The following LAMA5 variants were observed in gnomAD, a reference collection of about 807,000 sequenced individuals.
LAMA5 encodes the protein laminin subunit alpha-5.
LAMA5 carries 260 observed loss-of-function variants against 433.4 expected under a neutral mutation model. The observed-to-expected ratio is 0.60, with a 90% CI of 0.54 to 0.66. The LOEUF is 0.66. Among genes scored for constraint, LAMA5 ranks in the 30% least tolerant of loss-of-function variants. LAMA5 has a pLI of 0.00. For missense variants in LAMA5, 5,378 were observed against 5,258.5 expected, an observed-to-expected ratio of 1.02 and a Z score of -0.70; for synonymous variants, 2,620 against 2,226.6, an observed-to-expected ratio of 1.18 and a Z score of -4.97.
In LAMA5 at chr20:62,329,214, C is replaced by T. The variant is rs1341286960; in HGVS notation, c.4159G>A (p.Gly1387Ser). The change falls in exon 33 of 80, where the codon GGC becomes AGC. Residue 1387 changes from glycine to serine, a missense_variant. Gly to Ser is a moderately conservative substitution (Grantham distance 56). Transcript: ENST00000252999. Reference sequence around the variant, plus strand: ...TCCAGGGGCTCCTCCCGGAGGTAGCCAAAGCTGTAGACGTTCTCAGGGACC... The same window carrying T: ...TCCAGGGGCTCCTCCCGGAGGTAGCTAAAGCTGTAGACGTTCTCAGGGACC... Reference protein sequence around the residue: ...LVVPENVYSFGYLREEPLDKS... With the variant: ...LVVPENVYSFSYLREEPLDKS... 1 of 1,612,670 alleles carries T rather than the reference C, an allele frequency of 6.2e-7. No homozygotes were observed. Among genetic ancestry groups the T allele is most frequent in the Non-Finnish European group, 8.5e-7 (1 of 1,179,906 alleles).
At position 62,338,097 on chromosome 20, in the gene LAMA5, G is replaced by A. The variant is rs764671408; in HGVS notation, c.1810C>T (p.Arg604Cys). 1.5e-5 allele frequency: 24 copies of A among 1,602,302 alleles called. No individual in the cohort carries two copies. The highest frequency in any genetic ancestry group is 5.6e-5 in the South Asian group (5 of 89,716). ...GCAAACTCAGGCTGGCATAGGCAGC[G>A]GCCGGCCTCATCGCAGCCCTCGGGC... ...TLPEGCDEAGRCLCQPEFAGP... is the reference protein window; with the variant it reads ...TLPEGCDEAGCCLCQPEFAGP... Residue 604 changes from arginine to cysteine, a missense_variant, in exon 14 of 80, where the codon CGC becomes TGC. By Grantham distance (180) the Arg-to-Cys change is radical. Transcript: ENST00000252999.
chr20:62,327,884 T>C lies in LAMA5; in HGVS notation c.4779A>G (p.Thr1593=), dbSNP rs1979592915. ...GTAPGVCDPL[T]GQCYCKENVQ... Reference sequence around the variant, plus strand: ...CACTCACCTTACAGTAGCACTGCCCTGTGAGGGGGTCACACACGCCAGGCG... The same window carrying C: ...CACTCACCTTACAGTAGCACTGCCCCGTGAGGGGGTCACACACGCCAGGCG... Residue 1593 remains threonine (T), a synonymous_variant, in exon 36 of 80, where the codon ACA becomes ACG. Transcript: ENST00000252999. The C allele has an allele frequency of 6.2e-7, 1 of 1,610,416 alleles. No individual in the cohort carries two copies. The highest frequency in any genetic ancestry group is 1.1e-5 in the South Asian group (1 of 90,800).
At chr20:62,328,500 G>C in intron 34 of LAMA5, 55 bp from the exon 35 acceptor site, 1 of 1,437,566 alleles carries the variant, frequency 7.0e-7, no homozygotes, top group African/African-American at 1.4e-5. Flanking sequence ...GCCCCTCTCA[G>C]AGGCCCAGAA....
Position 62,362,456 on chromosome 20 carries a change from G to A in LAMA5, c.394C>T (p.Pro132Ser). Residue 132 changes from proline to serine, a missense_variant, in exon 2 of 80, where the codon CCG becomes TCG. By Grantham distance (74) the Pro-to-Ser change is moderately conservative. Coordinates refer to ENST00000252999, the MANE Select transcript of LAMA5 (RefSeq NM_005560.6). ...TTGTACTCCAGGCCGCGGGACAGCG[G>A]TGGACTCTGCCACCAGCGCTCCGTG... ...DGTERWWQSP[P>S]LSRGLEYNEV... is the part of the protein sequence containing the mutation. 1 of 1,600,852 alleles carries A rather than the reference G, an allele frequency of 6.2e-7. No individual in the cohort carries two copies. Among genetic ancestry groups the A allele is most frequent in the South Asian group, 1.1e-5 (1 of 89,778 alleles).
intron 57 of LAMA5, 157 bp from the exon 58 acceptor site, chr20:62,316,215 G>A (rs1427715122): frequency 1.6e-5 from 10 of 621,968 alleles, no homozygotes; most frequent in Admixed American, 1.6e-4. Context: ...CTGTGGGGAG[G>A]TGTTGAGTCT....
At chr20:62,350,432 C>T (rs555777564) in intron 6 of LAMA5, among the ~76,000 whole-genome samples, 17 of 152,248 alleles carry the variant, frequency 1.1e-4, no homozygotes, top group African/African-American at 3.6e-4. Flanking sequence ...CAGCCACATC[C>T]GAAGGGGCCC....
intron 48 of LAMA5, among the ~76,000 whole-genome samples, chr20:62,321,686 T>TGGGGTCAGTGGGGGAGGC (rs1987809436): frequency 3.3e-5 from 1 of 30,428 alleles, no homozygotes; most frequent in Admixed American, 4.3e-4. Context: ...AGTGGAGGGG[T>TGGGGTCAGTGGGGGAGGC]GGGGTCAGTG....
intron 1 of LAMA5, 77 bp from the exon 2 acceptor site, chr20:62,362,629 CCGAGA>C (rs1986268976): frequency 2.3e-6 from 3 of 1,296,334 alleles, no homozygotes; most frequent in Non-Finnish European, 3.0e-6. Flanking sequence ...CCCTGCTGCC[CCGAGA>C]CAAGTCCTGG....
rs373802425 is a variant in LAMA5 at position 62,337,646 on chromosome 20, G to A, written c.2108C>T (p.Thr703Met). ...CACACATGTGTCACACCGCAGCCCC[G>A]TCACACGGGGCCGGCAGCTGCACTG... is the stretch of plus-strand genomic sequence containing the variant. ...SGQCSCRPRV[T>M]GLRCDTCVPG... Residue 703 changes from threonine to methionine, a missense_variant, in exon 16 of 80, where the codon ACG (threonine) becomes ATG (methionine). Transcript: ENST00000252999. The A allele has an allele frequency of 4.1e-5, 66 of 1,612,244 alleles. No homozygotes were observed. Among genetic ancestry groups the A allele is most frequent in the Middle Eastern group, 3.3e-4 (2 of 6,000 alleles).
At chr20:62,322,886 C>A in intron 45 of LAMA5, 128 bp from the exon 46 acceptor site, 1 of 610,346 alleles carries the variant, frequency 1.6e-6, no homozygotes, top group Non-Finnish European at 2.7e-6. Context: ...GACCACCCGG[C>A]TACCCACTCG....
chr20:62,340,092 C>G (rs543236223), intron 11 of LAMA5, among the ~76,000 whole-genome samples: 1 of 152,008 alleles, frequency 6.6e-6, no homozygotes, highest in Non-Finnish European at 1.5e-5. Flanking sequence ...TGTCACCCAA[C>G]GGGCAGCAGA....
At chr20:62,321,764 TGGG>T (rs1258592887) in intron 48 of LAMA5, among the ~76,000 whole-genome samples, 29 of 20,258 alleles carry the variant, frequency 1.4e-3, no homozygotes, top group Non-Finnish European at 3.5e-3. Flanking sequence ...GTGGGGTCAG[TGGG>T]GGAGGAAGGG....
chr20:62,362,061 C>T (rs574972851), intron 2 of LAMA5, among the ~76,000 whole-genome samples: 5 of 152,280 alleles, frequency 3.3e-5, no homozygotes, highest in East Asian at 1.9e-4. Flanking sequence ...GGGCGCCTGA[C>T]GCAGGGGGCA....
chr20:62,330,976 G>A (rs369027032), intron 29 of LAMA5, 32 bp from the exon 30 acceptor site: 24 of 1,561,528 alleles, frequency 1.5e-5, no homozygotes, highest in East Asian at 2.4e-5. Flanking sequence ...AGTCAGAGCC[G>A]GCCCTGCCGC....
At position 62,313,714 on chromosome 20, in the gene LAMA5, C is replaced by T. The variant is rs145739587; in HGVS notation, c.8593G>A (p.Gly2865Arg). Residue 2865 changes from glycine to arginine, a missense_variant, in exon 63 of 80, where the codon GGG becomes AGG. Gly to Arg is a moderately radical substitution (Grantham distance 125). Coordinates refer to ENST00000252999, the MANE Select transcript of LAMA5 (RefSeq NM_005560.6). ...TCGTCTGGCCGCAGGTTGAGCAGCC[C>T]CTCTGCCCCAGGGGCCACCGTGTCA... ...KGDTVAPGAE[G>R]LLNLRPDDFV... is the part of the protein sequence containing the mutation. The T allele has an allele frequency of 6.2e-6, 10 of 1,612,768 alleles. No homozygotes were observed. In the African/African-American group the frequency reaches 9.3e-5, roughly 15 times the overall value.
chr20:62,316,066 G>GGA lies in LAMA5; in HGVS notation c.7757-10_7757-9dup. 2 of 1,597,122 alleles carry GGA rather than the reference G, an allele frequency of 1.3e-6. No individual in the cohort carries two copies. Among genetic ancestry groups the GGA allele is most frequent in the Non-Finnish European group, 1.7e-6 (2 of 1,172,034 alleles). ...CCTGGAGGGCAGCCCACACTGCGGG[G>GGA]GAGGCAGCTTCAGCTCCCAGGCAGC... is the stretch of plus-strand genomic sequence containing the variant. On this transcript the variant is annotated splice_polypyrimidine_tract_variant and intron_variant, in intron 57 of 79. Transcript: ENST00000252999.
rs1980167782 is a variant in LAMA5 at position 62,330,545 on chromosome 20, G to A, written c.3922C>T (p.Pro1308Ser). The change falls in exon 31 of 80, where the codon CCA becomes TCA. Residue 1308 changes from proline to serine, a missense_variant. By Grantham distance (74) the Pro-to-Ser change is moderately conservative. Coordinates refer to ENST00000252999, the MANE Select transcript of LAMA5 (RefSeq NM_005560.6). ...RYAFLLHGYQ[P>S]AHPTFPVEVL... ...TCCACGGGGAAGGTGGGGTGGGCTGGCTGGTAGCCGTGCAGCAGGAAGGCA... is the reference window on the plus strand; with the variant it reads ...TCCACGGGGAAGGTGGGGTGGGCTGACTGGTAGCCGTGCAGCAGGAAGGCA... 6.3e-7 allele frequency: 1 copy of A among 1,585,032 alleles called. No individual in the cohort carries two copies. Among genetic ancestry groups the A allele is most frequent in the African/African-American group, 1.3e-5 (1 of 74,842 alleles).
At chr20:62,348,782 G>A (rs1983751168) in intron 6 of LAMA5, among the ~76,000 whole-genome samples, 1 of 152,180 alleles carries the variant, frequency 6.6e-6, no homozygotes, top group Non-Finnish European at 1.5e-5. Context: ...CACAGTGGAA[G>A]AGAGATTTAG....
chr20:62,314,152 A>ACGAGGGGTGGCGAGTGGGCACGGAGAGG lies in LAMA5; in HGVS notation c.8504+124_8504+151dup, dbSNP rs1568898462. On this transcript the variant is annotated intron_variant, in intron 62 of 79. Coordinates refer to ENST00000252999, the MANE Select transcript of LAMA5 (RefSeq NM_005560.6). ...CGAGGGGTGGCGAGTGGGCACAGAG[A>ACGAGGGGTGGCGAGTGGGCACGGAGAGG]CGAGGGGTGGCGAGTGGGCACGGAG... is the stretch of plus-strand genomic sequence containing the variant. The ACGAGGGGTGGCGAGTGGGCACGGAGAGG allele has an allele frequency of 1.3e-4, 119 of 946,258 alleles. 2 individuals carry two copies. The highest frequency in any genetic ancestry group is 5.0e-4 in the African/African-American group (26 of 51,792). The allele number at this position is 946,258 out of a possible 1,614,324, so 58.6% of individuals were successfully genotyped here. A position where few individuals can be genotyped will look rare whatever the true frequency, so the allele number is the denominator to read the frequency against.
Sources: allele counts gnomAD v4.1 joint callset (sites outside exome capture counted in the v4.1 genomes callset), GRCh38; gene constraint gnomAD v4.1.1; transcripts MANE v1.5; gene names NCBI Gene and HGNC (gene_info 2026-07-23, HGNC 2026-07-21).